Variants in FAAH2 observed in about 807,000 individuals in gnomAD.
The protein encoded by FAAH2 is fatty-acid amide hydrolase 2.
In FAAH2, 60 loss-of-function variants were observed where a neutral mutation model predicts 36.9. The observed-to-expected ratio is 1.63, with a 90% CI of 1.32 to 2.02. The LOEUF is 2.02. Ranked by LOEUF, FAAH2 falls within the 30% of genes most tolerant of loss-of-function variation. The pLI is 0.00. For synonymous variants in FAAH2, 214 were observed against 143.8 expected (o/e 1.49, Z -3.49); for missense variants, 689 against 397.5 (o/e 1.73, Z -6.23).
the FAAH2 span, among the ~76,000 whole-genome samples, chrX:57,202,613 C>T: frequency 1.8e-5 from 2 of 111,380 alleles, no homozygotes; most frequent in African/African-American, 6.5e-5. Context: ...GGTTCTTGCC[C>T]GAGGCCTGCT....
chrX:57,344,754 T>A (rs1179552701), intron 5 of FAAH2, among the ~76,000 whole-genome samples: 1 of 111,577 alleles, frequency 9.0e-6, no homozygotes, highest in Non-Finnish European at 1.9e-5. Flanking sequence ...TTTTGATGTA[T>A]GCTCTTTTGA....
the FAAH2 span, among the ~76,000 whole-genome samples, chrX:57,131,118 G>A: frequency 4.1e-3 from 398 of 96,073 alleles, 2 homozygotes; most frequent in African/African-American, 0.015. Context: ...TCGCTCTGTC[G>A]CCCAGGCCGG....
chrX:57,168,838 T>C, the FAAH2 span, among the ~76,000 whole-genome samples: 5 of 112,347 alleles, frequency 4.5e-5, no homozygotes, highest in Admixed American at 4.7e-4. Flanking sequence ...AATACTAAAG[T>C]GTAATCTTTC....
chrX:57,275,056 G>C, the FAAH2 span, among the ~76,000 whole-genome samples: 1 of 111,940 alleles, frequency 8.9e-6, no homozygotes, highest in Non-Finnish European at 1.9e-5. Flanking sequence ...CTTCAGCAAA[G>C]TCTCAGGACA....
At chrX:57,406,492 T>G (rs1185682812) in intron 7 of FAAH2, among the ~76,000 whole-genome samples, 1 of 112,101 alleles carries the variant, frequency 8.9e-6, no homozygotes, top group African/African-American at 3.2e-5. Flanking sequence ...GTGTTTGGTT[T>G]GATATGCTGA....
At chrX:57,214,065 T>A in the FAAH2 span, among the ~76,000 whole-genome samples, 2 of 111,818 alleles carry the variant, frequency 1.8e-5, no homozygotes, top group African/African-American at 6.5e-5. Context: ...TTGTGTTATT[T>A]GTCTTTTTTT....
chrX:57,190,161 G>A, the FAAH2 span, among the ~76,000 whole-genome samples: 59 of 110,148 alleles, frequency 5.4e-4, no homozygotes, highest in Non-Finnish European at 1.0e-3. Context: ...GCTGTGTTGA[G>A]TTCCTCACAG....
intron 7 of FAAH2, among the ~76,000 whole-genome samples, chrX:57,410,062 G>T (rs1218587824): frequency 9.1e-6 from 1 of 109,985 alleles, no homozygotes; most frequent in Non-Finnish European, 1.9e-5. Flanking sequence ...ATAATATTTG[G>T]TGTGTTGTGT....
At chrX:57,377,556 A>ATATTGTTTGAAG (rs1259193159) in intron 5 of FAAH2, among the ~76,000 whole-genome samples, 11 of 111,717 alleles carry the variant, frequency 9.8e-5, no homozygotes. Context: ...TAGCCTTGTA[A>ATATTGTTTGAAG]TATTGTTTGA....
At position 57,453,491 on chromosome X, in the gene FAAH2, G is replaced by C. The variant is rs766955062; in HGVS notation, c.1423+4773G>C. Among the ~76,000 whole-genome samples the C allele has an allele frequency of 2.7e-3, 297 of 111,020 alleles. 1 individual carries two copies. Among genetic ancestry groups the C allele is most frequent in the African/African-American group, 9.3e-3 (283 of 30,486 alleles). ...AGGGAAACAGAAAAACTGCAGGATA[G>C]GTGATTCCACAACCCCCACCACCAC... On this transcript the variant is annotated intron_variant, in intron 10 of 10. Transcript: ENST00000374900.
At chrX:57,144,703 C>T in the FAAH2 span, among the ~76,000 whole-genome samples, 1 of 110,036 alleles carries the variant, frequency 9.1e-6, no homozygotes, top group South Asian at 3.9e-4. Context: ...TCCCAAAGTC[C>T]GTTGTATCAT....
chrX:57,124,743 G>A, the FAAH2 span, among the ~76,000 whole-genome samples: 1 of 111,456 alleles, frequency 9.0e-6, no homozygotes, highest in East Asian at 2.8e-4. Flanking sequence ...TGGATTCCTA[G>A]GTATTTTATT....
At chrX:57,438,863 G>A in intron 8 of FAAH2, among the ~76,000 whole-genome samples, 1 of 103,236 alleles carries the variant, frequency 9.7e-6, no homozygotes, top group Non-Finnish European at 2.0e-5. Flanking sequence ...TTGGTTTTTT[G>A]TCCTTGCGAT....
the FAAH2 span, among the ~76,000 whole-genome samples, chrX:57,191,946 G>C: frequency 9.0e-6 from 1 of 111,303 alleles, no homozygotes; most frequent in African/African-American, 3.3e-5. Context: ...CTTAGGATAG[G>C]CTATTCTTGG....
At chrX:57,460,398 C>T (rs1409893666) in intron 10 of FAAH2, among the ~76,000 whole-genome samples, 1 of 111,500 alleles carries the variant, frequency 9.0e-6, no homozygotes, top group Admixed American at 9.5e-5. Flanking sequence ...ATGTTAAGGG[C>T]AGCTAGAGAG....
the FAAH2 span, among the ~76,000 whole-genome samples, chrX:57,254,957 C>A: frequency 9.0e-6 from 1 of 110,793 alleles, no homozygotes; most frequent in Non-Finnish European, 1.9e-5. Context: ...CACAAAAAAA[C>A]CCTGAAAAAA....
chrX:57,216,581 T>TAC, the FAAH2 span, among the ~76,000 whole-genome samples: 1,932 of 10,594 alleles, frequency 0.18, 318 homozygotes, highest in East Asian at 0.46. Flanking sequence ...TGTATATATA[T>TAC]GTATATGTAT....
intron 10 of FAAH2, among the ~76,000 whole-genome samples, chrX:57,480,199 A>G (rs184478152): frequency 1.8e-5 from 2 of 111,779 alleles, no homozygotes; most frequent in African/African-American, 6.5e-5. Flanking sequence ...AGGAACTGGT[A>G]CCATTCCTTC....
At chrX:57,262,656 G>C in the FAAH2 span, among the ~76,000 whole-genome samples, 1 of 111,404 alleles carries the variant, frequency 9.0e-6, no homozygotes, top group African/African-American at 3.3e-5. Flanking sequence ...AATAAAGATA[G>C]TCTAATGAGG....
Sources: allele counts gnomAD v4.1 joint callset (sites outside exome capture counted in the v4.1 genomes callset), GRCh38; gene constraint gnomAD v4.1.1; transcripts MANE v1.5; gene names NCBI Gene and HGNC (gene_info 2026-07-23, HGNC 2026-07-21).